Variants in KAZN observed in about 807,000 individuals in gnomAD.
KAZN encodes kazrin.
In KAZN, 40 loss-of-function variants were observed where a neutral mutation model predicts 87.4. The observed-to-expected ratio is 0.46, with a 90% CI of 0.36 to 0.60. The LOEUF (loss-of-function observed/expected upper bound fraction) is 0.60, where lower values mean the gene tolerates loss of function less well. Ranked by LOEUF, KAZN falls within the 20% of genes least tolerant of loss-of-function variation. KAZN has a pLI of 0.00. For synonymous variants in KAZN, 466 were observed against 458.3 expected (o/e 1.02, Z -0.22); for missense variants, 898 against 1,073.9 (o/e 0.84, Z 2.29).
At chr1:14,862,178 C>G (rs759714922) in intron 1 of KAZN, among the ~76,000 whole-genome samples, 1 of 152,138 alleles carries the variant, frequency 6.6e-6, no homozygotes, top group Admixed American at 6.5e-5. Flanking sequence ...GAGTGAGATT[C>G]GCACAGATCT....
intron 1 of KAZN, among the ~76,000 whole-genome samples, chr1:14,717,225 G>T (rs755853412): frequency 1.8e-4 from 28 of 151,668 alleles, no homozygotes; most frequent in Non-Finnish European, 3.5e-4. Context: ...GGATTCGTGT[G>T]TTCATCTCAT....
At chr1:14,062,887 T>G (rs1642851755) in intron 1 of KAZN, among the ~76,000 whole-genome samples, 1 of 152,134 alleles carries the variant, frequency 6.6e-6, no homozygotes, top group Non-Finnish European at 1.5e-5. Flanking sequence ...GTGAACCCAG[T>G]TAATAGGCAG....
chr1:14,135,002 CAT>C (rs754953493), intron 1 of KAZN, among the ~76,000 whole-genome samples: 187 of 37,108 alleles, frequency 5.0e-3, no homozygotes, highest in East Asian at 0.036. Context: ...CACACACACA[CAT>C]GTGCACACAT....
intron 2 of KAZN, among the ~76,000 whole-genome samples, chr1:14,225,114 CTGTT>C (rs1333370175): frequency 6.6e-6 from 1 of 152,160 alleles, no homozygotes; most frequent in Non-Finnish European, 1.5e-5. Context: ...CAAACTATCT[CTGTT>C]TGCAGACAAT....
intron 1 of KAZN, among the ~76,000 whole-genome samples, chr1:14,901,047 G>C (rs1172696429): frequency 6.6e-6 from 1 of 152,224 alleles, no homozygotes; most frequent in Non-Finnish European, 1.5e-5. Context: ...GATGGCCCCT[G>C]TCCTCAGGGA....
chr1:14,922,853 G>T (rs886785214), intron 1 of KAZN, among the ~76,000 whole-genome samples: 1 of 149,648 alleles, frequency 6.7e-6, no homozygotes, highest in Admixed American at 6.7e-5. Context: ...GGCAGCCTCC[G>T]CAGCTGGGCC....
chr1:14,319,059 TTTA>T, intron 2 of KAZN, among the ~76,000 whole-genome samples: 1 of 144,550 alleles, frequency 6.9e-6, no homozygotes, highest in Non-Finnish European at 1.5e-5. Context: ...TATTTATTTA[TTTA>T]TTTTTCTGGT....
chr1:14,579,862 T>C (rs2148560268), intron 2 of KAZN, among the ~76,000 whole-genome samples: 1 of 152,028 alleles, frequency 6.6e-6, no homozygotes, highest in Non-Finnish European at 1.5e-5. Context: ...TGCAATGTGC[T>C]GGTATTAATA....
chr1:15,023,403 G>C (rs1670873922), intron 2 of KAZN, among the ~76,000 whole-genome samples: 1 of 152,170 alleles, frequency 6.6e-6, no homozygotes, highest in African/African-American at 2.4e-5. Flanking sequence ...GGAGATGGGA[G>C]GAAGTGAGAC....
At chr1:14,065,730 T>C (rs1352974962) in intron 1 of KAZN, among the ~76,000 whole-genome samples, 1 of 152,160 alleles carries the variant, frequency 6.6e-6, no homozygotes, top group Non-Finnish European at 1.5e-5. Flanking sequence ...GGCATTTTCC[T>C]CTCCGTGTGC....
intron 1 of KAZN, among the ~76,000 whole-genome samples, chr1:14,709,460 A>T (rs1450866219): frequency 1.3e-5 from 2 of 152,170 alleles, no homozygotes; most frequent in African/African-American, 4.8e-5. Context: ...CTCTGAAGAG[A>T]TGGTTCTCAG....
chr1:14,088,863 G>A lies in KAZN; in HGVS notation c.92-91572G>A, dbSNP rs150850870. Among the ~76,000 whole-genome samples the A allele has an allele frequency of 6.5e-3, 989 of 151,096 alleles. 10 individuals carry two copies. In the South Asian group the frequency reaches 0.066, roughly 10 times the overall value. On this transcript the variant is annotated intron_variant, in intron 1 of 16. Coordinates refer to the KAZN transcript ENST00000636203. The stretch of plus-strand genomic sequence containing the variant: ...TTTTTTTTGCTCTCTTCATGAATGG[G>A]CCTTTTTATCATTATGAAATGTCCC...
At chr1:15,058,173 G>C (rs1638471963) in intron 5 of KAZN, among the ~76,000 whole-genome samples, 1 of 152,216 alleles carries the variant, frequency 6.6e-6, no homozygotes. Context: ...CATCTGTCCA[G>C]TGCCTGGCAC....
chr1:14,559,862 C>A (rs1169198385), intron 2 of KAZN, among the ~76,000 whole-genome samples: 1 of 152,314 alleles, frequency 6.6e-6, no homozygotes. Context: ...TGTTTCCTTA[C>A]AAACAATGTG....
intron 2 of KAZN, among the ~76,000 whole-genome samples, chr1:14,244,189 T>C (rs1309223845): frequency 6.6e-6 from 1 of 152,218 alleles, no homozygotes; most frequent in Admixed American, 6.5e-5. Flanking sequence ...CTCTCTGCCT[T>C]GGGACACCTG....
chr1:14,470,227 C>T (rs978828856), intron 2 of KAZN, among the ~76,000 whole-genome samples: 17 of 151,662 alleles, frequency 1.1e-4, no homozygotes, highest in African/African-American at 3.7e-4. Context: ...AATATAGATA[C>T]AGGCAGAATA....
chr1:14,538,321 C>T (rs1349016451), intron 2 of KAZN, among the ~76,000 whole-genome samples: 3 of 152,142 alleles, frequency 2.0e-5, no homozygotes, highest in African/African-American at 7.2e-5. Context: ...AAACATCTCA[C>T]TAGAGGGAGT....
At chr1:14,677,955 T>A (rs1354013636) in intron 1 of KAZN, among the ~76,000 whole-genome samples, 1 of 152,104 alleles carries the variant, frequency 6.6e-6, no homozygotes, top group Non-Finnish European at 1.5e-5. Context: ...AAATGGGCTG[T>A]TTGGGGGCCC....
chr1:14,663,481 A>G (rs183980693), intron 1 of KAZN, among the ~76,000 whole-genome samples: 16 of 152,302 alleles, frequency 1.1e-4, no homozygotes, highest in Admixed American at 1.0e-3. Flanking sequence ...TCCTCTGCAG[A>G]GTCAGTGTTC....
Sources: gnomAD v4.1 joint callset for allele counts (sites outside exome capture counted in the v4.1 genomes callset) on GRCh38, gnomAD v4.1.1 for gene constraint, MANE v1.5 for transcripts, NCBI Gene and HGNC (gene_info 2026-07-23, HGNC 2026-07-21) for gene names.